Variants in BICD1 observed in about 807,000 individuals in gnomAD.
The protein encoded by BICD1 is BICD cargo adaptor 1, also known as protein bicaudal D homolog 1.
Under a neutral mutation model 92.5 loss-of-function variants are expected in BICD1, and 35 were observed. That is an observed-to-expected ratio of 0.38 (90% CI 0.29 to 0.50). The LOEUF is 0.50. Ranked by LOEUF, BICD1 falls within the 20% of genes least tolerant of loss-of-function variation. BICD1 has a pLI of 0.93. For synonymous variants in BICD1, 429 were observed against 465.1 expected (o/e 0.92, Z 1.00); for missense variants, 950 against 1,189.8 (o/e 0.80, Z 2.97).
At chr12:32,316,135 CAAAAAA>C (rs79211021) in intron 4 of BICD1, among the ~76,000 whole-genome samples, 42 of 144,332 alleles carry the variant, frequency 2.9e-4, no homozygotes, top group Middle Eastern at 3.5e-3. Context: ...GACCCTGTCT[CAAAAAA>C]AAAAAAAAAA....
chr12:32,382,956 ATGTT>A lies in BICD1; in HGVS notation c.*5330_*5333del, dbSNP rs1940236476. 1.3e-5 allele frequency: 2 copies of A among 152,074 alleles called. No homozygotes were observed. Among genetic ancestry groups the A allele is most frequent in the Admixed American group, 1.3e-4 (2 of 15,266 alleles). 9.4% of individuals were successfully genotyped at this position (152,074 alleles called of 1,614,324 possible). On this transcript the variant is annotated 3_prime_UTR_variant, in exon 10 of 10. Transcript: ENST00000652176. ...ATCATTTTAACATTATTCCCACAAA[ATGTT>A]AAAGCTCAATGGTTTGACTATGAGA...
chr12:32,294,014 A>G lies in BICD1; in HGVS notation c.447A>G (p.Leu149=), dbSNP rs201956113. 6.2e-7 allele frequency: 1 copy of G among 1,613,254 alleles called. No homozygotes were observed. Among genetic ancestry groups the G allele is most frequent in the Non-Finnish European group, 8.5e-7 (1 of 1,179,804 alleles). The change falls in exon 3 of 10, where the codon CTA becomes CTG. Residue 149 remains leucine (L), a synonymous_variant. Coordinates refer to ENST00000652176, the MANE Select transcript of BICD1 (RefSeq NM_001714.4). The part of the protein sequence containing the change: ...DLKENNEMVE[L]QRIRMKDEIR... ...TTCAGAACAATGAGATGGTGGAGCT[A>G]CAGAGAATACGGATGAAGGATGAAA...
chr12:32,250,756 G>A (rs960721408), intron 2 of BICD1, among the ~76,000 whole-genome samples: 3 of 152,054 alleles, frequency 2.0e-5, no homozygotes, highest in African/African-American at 4.8e-5. Flanking sequence ...TGAGGTGGGC[G>A]GATCATTTGA....
intron 1 of BICD1, among the ~76,000 whole-genome samples, chr12:32,174,541 C>G (rs1944039318): frequency 6.6e-6 from 1 of 152,090 alleles, no homozygotes; most frequent in South Asian, 2.1e-4. Context: ...TTGGATTACT[C>G]TTTGTTTTCT....
chr12:32,106,890 AGCGAGAGAGCGAGCCGC>A lies in BICD1; in HGVS notation c.-440_-424del. 5.7e-6 allele frequency: 1 copy of A among 175,878 alleles called. No homozygotes were observed. The highest frequency in any genetic ancestry group is 1.2e-5 in the Non-Finnish European group (1 of 84,336). 10.9% of individuals were successfully genotyped at this position (175,878 alleles called of 1,614,324 possible). A position where few individuals can be genotyped will look rare whatever the true frequency, so the allele number is the denominator to read the frequency against. ...CTGCAGGGCCAGAGGGAGCAGGTGG[AGCGAGAGAGCGAGCCGC>A]GAGCCGGAGCGCGCCAGACCCAGGG... On this transcript the variant is annotated 5_prime_UTR_variant, in exon 1 of 10. Coordinates refer to ENST00000652176, the MANE Select transcript of BICD1 (RefSeq NM_001714.4).
chr12:32,354,123 A>G (rs1183108016), intron 8 of BICD1: 1 of 152,256 alleles, frequency 6.6e-6, no homozygotes, highest in African/African-American at 2.4e-5. Flanking sequence ...AAGATTTGAA[A>G]TAAAAATAGA....
intron 4 of BICD1, among the ~76,000 whole-genome samples, chr12:32,321,067 T>G (rs1321536306): frequency 1.3e-5 from 2 of 152,226 alleles, no homozygotes; most frequent in Non-Finnish European, 2.9e-5. Flanking sequence ...GGCTCACGCC[T>G]GTAATCCCAG....
intron 2 of BICD1, among the ~76,000 whole-genome samples, chr12:32,254,426 A>C (rs1338983811): frequency 1.3e-5 from 2 of 152,266 alleles, no homozygotes; most frequent in Non-Finnish European, 2.9e-5. Flanking sequence ...AGTAGGCTCT[A>C]GCATTTGTAG....
intron 1 of BICD1, among the ~76,000 whole-genome samples, chr12:32,128,612 A>T (rs1204432843): frequency 1.1e-4 from 2 of 17,554 alleles, no homozygotes; most frequent in Non-Finnish European, 2.1e-4. Context: ...CCTTTTCTTA[A>T]AAAAAAACCA....
chr12:32,172,217 T>A (rs2121515551), intron 1 of BICD1, among the ~76,000 whole-genome samples: 1 of 152,322 alleles, frequency 6.6e-6, no homozygotes, highest in Non-Finnish European at 1.5e-5. Context: ...AGGTTGTGGT[T>A]AACTGGAGTT....
chr12:32,371,956 C>T (rs977707660), intron 9 of BICD1, among the ~76,000 whole-genome samples: 19 of 152,250 alleles, frequency 1.2e-4, no homozygotes, highest in Admixed American at 1.2e-3. Flanking sequence ...GGTCACATAT[C>T]CTGAACACAA....
chr12:32,338,750 G>T (rs1338165319), intron 7 of BICD1, 36 bp from the exon 8 acceptor site: 2 of 1,522,602 alleles, frequency 1.3e-6, no homozygotes, highest in African/African-American at 2.9e-5. Flanking sequence ...AAACTTTTTT[G>T]TTTCCTATAT....
At position 32,107,743 on chromosome 12, in the gene BICD1, A is replaced by T. The variant is rs948270971; in HGVS notation, c.213+199A>T. 4 of 746,736 alleles carry T rather than the reference A, an allele frequency of 5.4e-6. No homozygotes were observed. In the African/African-American group the frequency reaches 6.9e-5, roughly 13 times the overall value. 46.3% of individuals were successfully genotyped at this position (746,736 alleles called of 1,614,324 possible). On this transcript the variant is annotated intron_variant, in intron 1 of 9. Transcript: ENST00000652176. Reference sequence around the variant, plus strand: ...AAAATTGCCTAAGAAATGAATATATAAGCTGGAATTTGGGAGGCAATGGCT... The same window carrying T: ...AAAATTGCCTAAGAAATGAATATATTAGCTGGAATTTGGGAGGCAATGGCT...
At chr12:32,208,525 G>A (rs1945125874) in intron 1 of BICD1, among the ~76,000 whole-genome samples, 1 of 152,182 alleles carries the variant, frequency 6.6e-6, no homozygotes, top group African/African-American at 2.4e-5. Context: ...CCTTTTATGA[G>A]TACATCTGCC....
In BICD1 at chr12:32,382,228, C is replaced by T. The variant is rs554787527; in HGVS notation, c.*4601C>T. On this transcript the variant is annotated 3_prime_UTR_variant, in exon 10 of 10. Transcript: ENST00000652176. ...ATTTCATCTAGACATGTCTTTCGTCCTTATTATTCAAAGTGTAATTGAAAG... is the reference window on the plus strand; with the variant it reads ...ATTTCATCTAGACATGTCTTTCGTCTTTATTATTCAAAGTGTAATTGAAAG... 1 of 152,126 alleles carries T rather than the reference C, an allele frequency of 6.6e-6. No homozygotes were observed. The highest frequency in any genetic ancestry group is 1.9e-4 in the East Asian group (1 of 5,186). The allele number at this position is 152,126 out of a possible 1,614,324, so 9.4% of individuals were successfully genotyped here.
At chr12:32,122,923 A>G (rs1592333701) in intron 1 of BICD1, among the ~76,000 whole-genome samples, 1 of 152,350 alleles carries the variant, frequency 6.6e-6, no homozygotes, top group South Asian at 2.1e-4. Context: ...TTGTATAAAC[A>G]TAACTAATGG....
chr12:32,352,376 C>G (rs1205558362), intron 8 of BICD1: 1 of 151,794 alleles, frequency 6.6e-6, no homozygotes, highest in Non-Finnish European at 1.5e-5. Flanking sequence ...ATCCCAGGTA[C>G]TCGGGAGGCT....
chr12:32,143,963 A>C (rs767744488), intron 1 of BICD1, among the ~76,000 whole-genome samples: 16 of 152,126 alleles, frequency 1.1e-4, no homozygotes, highest in Non-Finnish European at 2.1e-4. Flanking sequence ...CAGCCATTTC[A>C]AATGTTACCT....
intron 1 of BICD1, among the ~76,000 whole-genome samples, chr12:32,139,952 A>T (rs1021097480): frequency 6.6e-6 from 1 of 152,154 alleles, no homozygotes; most frequent in Non-Finnish European, 1.5e-5. Flanking sequence ...ATACCAGCCG[A>T]GAAGCAGCAG....
Sources: allele counts gnomAD v4.1 joint callset (sites outside exome capture counted in the v4.1 genomes callset), GRCh38; gene constraint gnomAD v4.1.1; transcripts MANE v1.5; gene names NCBI Gene and HGNC (gene_info 2026-07-23, HGNC 2026-07-21).